Variants in SDK1 observed in about 807,000 individuals in gnomAD.
The protein encoded by SDK1 is sidekick cell adhesion molecule 1.
Under a neutral mutation model 245.5 loss-of-function variants are expected in SDK1, and 157 were observed. The ratio of observed to expected loss-of-function variants is 0.64; its 90% CI spans 0.56 to 0.73. SDK1 has a LOEUF of 0.73. Ranked by LOEUF, SDK1 falls within the 30% of genes least tolerant of loss-of-function variation. The pLI is 0.00. For synonymous variants in SDK1, 1,647 were observed against 1,278.5 expected (o/e 1.29, Z -6.15); for missense variants, 3,583 against 3,002.3 (o/e 1.19, Z -4.52).
chr7:3,645,809 A>C (rs373775424), intron 4 of SDK1, among the ~76,000 whole-genome samples: 1 of 152,288 alleles, frequency 6.6e-6, no homozygotes, highest in Non-Finnish European at 1.5e-5. Context: ...ATTTGACTCA[A>C]GGTGCTTCCC....
At chr7:3,577,029 C>G (rs1288978127) in intron 1 of SDK1, among the ~76,000 whole-genome samples, 5 of 151,968 alleles carry the variant, frequency 3.3e-5, no homozygotes, top group African/African-American at 1.2e-4. Flanking sequence ...GTGGCCACCC[C>G]CTGACATGAC....
At chr7:3,429,667 G>A (rs1583844329) in intron 1 of SDK1, among the ~76,000 whole-genome samples, 2 of 150,272 alleles carry the variant, frequency 1.3e-5, no homozygotes, top group African/African-American at 4.9e-5. Flanking sequence ...CACAATCTCA[G>A]TTTACTGCAG....
chr7:4,201,062 A>C (rs1039863198), intron 35 of SDK1, among the ~76,000 whole-genome samples: 4 of 152,166 alleles, frequency 2.6e-5, no homozygotes. Context: ...TGCACTGGGC[A>C]CCATGTCCTT....
At chr7:3,438,145 T>C (rs1004323642) in intron 1 of SDK1, among the ~76,000 whole-genome samples, 9 of 152,218 alleles carry the variant, frequency 5.9e-5, no homozygotes, top group Admixed American at 3.3e-4. Flanking sequence ...GTGCTTTTAA[T>C]GTTCTGCATT....
intron 4 of SDK1, among the ~76,000 whole-genome samples, chr7:3,648,282 A>G (rs545925200): frequency 6.6e-6 from 1 of 152,330 alleles, no homozygotes; most frequent in South Asian, 2.1e-4. Context: ...TAGAACACAA[A>G]ATCTTAACTC....
At chr7:3,612,627 A>G (rs532116809) in intron 1 of SDK1, among the ~76,000 whole-genome samples, 26 of 152,296 alleles carry the variant, frequency 1.7e-4, no homozygotes, top group African/African-American at 6.0e-4. Context: ...CTCATGGTAA[A>G]TTCATAAGCT....
chr7:4,145,895 G>C lies in SDK1; in HGVS notation c.4402G>C (p.Val1468Leu). ...CTGGGGGGAGCCACTGGAGGCCACC[G>C]TCATCACCACCGAGAAGAGAGGTAA... is the stretch of plus-strand genomic sequence containing the variant. ...QGWGEPLEAT[V>L]ITTEKRERPA... Residue 1468 changes from valine to leucine, a missense_variant, in exon 29 of 45, where the codon GTC (valine) becomes CTC (leucine). Physicochemically the swap from Val to Leu is conservative, Grantham distance 32. Coordinates refer to ENST00000404826, the MANE Select transcript of SDK1 (RefSeq NM_152744.4). The C allele has an allele frequency of 6.2e-7, 1 of 1,601,390 alleles. No homozygotes were observed. The highest frequency in any genetic ancestry group is 8.5e-7 in the Non-Finnish European group (1 of 1,174,280).
At chr7:3,769,936 CTGTGTG>C (rs34066132) in intron 4 of SDK1, among the ~76,000 whole-genome samples, 2,638 of 144,726 alleles carry the variant, frequency 0.018, 90 homozygotes, top group African/African-American at 0.063. Flanking sequence ...TACTTATTGT[CTGTGTG>C]TGTGTGTGTG....
chr7:3,740,937 A>G (rs1465524556), intron 4 of SDK1, among the ~76,000 whole-genome samples: 1 of 152,210 alleles, frequency 6.6e-6, no homozygotes, highest in Non-Finnish European at 1.5e-5. Context: ...GCAACCATAG[A>G]AACATTCTGT....
intron 1 of SDK1, among the ~76,000 whole-genome samples, chr7:3,590,838 A>G (rs970439179): frequency 3.5e-5 from 5 of 143,782 alleles, no homozygotes; most frequent in African/African-American, 1.1e-4. Context: ...GCTGGAGTGC[A>G]GTGGCATGAT....
intron 1 of SDK1, among the ~76,000 whole-genome samples, chr7:3,400,877 C>T (rs1015025086): frequency 5.9e-5 from 9 of 152,126 alleles, no homozygotes; most frequent in South Asian, 2.1e-4. Flanking sequence ...GCCATTCTTA[C>T]GGCCAGAGGA....
intron 22 of SDK1, among the ~76,000 whole-genome samples, chr7:4,105,225 C>T (rs1201455339): frequency 1.3e-5 from 2 of 151,984 alleles, no homozygotes; most frequent in Non-Finnish European, 2.9e-5. Flanking sequence ...TCCGGTGATC[C>T]ACTTGCCTTG....
chr7:3,637,080 T>TGCGC (rs368242742), intron 2 of SDK1, among the ~76,000 whole-genome samples: 6 of 149,792 alleles, frequency 4.0e-5, no homozygotes, highest in South Asian at 2.1e-4. Flanking sequence ...AGAGAGTGCG[T>TGCGC]GCGCGCGTGT....
In SDK1 at chr7:4,145,756, C is replaced by T. The variant is rs756963631; in HGVS notation, c.4263C>T (p.Ser1421=). The part of the protein sequence containing the change: ...YQIAYRLASS[S]PHTFTTVEVG... The stretch of plus-strand genomic sequence containing the variant: ...TTGCCTACCGCCTGGCCAGCAGCAG[C>T]CCCCACACCTTCACCACCGTGGAGG... The change falls in exon 29 of 45, where the codon AGC becomes AGT. Residue 1421 remains serine, a synonymous_variant. Coordinates refer to ENST00000404826, the MANE Select transcript of SDK1 (RefSeq NM_152744.4). The T allele has an allele frequency of 2.5e-6, 4 of 1,611,638 alleles. No individual in the cohort carries two copies. The highest frequency in any genetic ancestry group is 3.4e-5 in the Admixed American group (2 of 59,592).
At chr7:3,443,429 A>G (rs1309199245) in intron 1 of SDK1, among the ~76,000 whole-genome samples, 3 of 152,228 alleles carry the variant, frequency 2.0e-5, no homozygotes, top group South Asian at 4.1e-4. Flanking sequence ...ATTAACCAAA[A>G]TAGTTGACAG....
At chr7:4,210,227 C>A (rs1784444359) in intron 38 of SDK1, 65 bp downstream of exon 38, 1 of 1,368,102 alleles carries the variant, frequency 7.3e-7, no homozygotes, top group Non-Finnish European at 9.5e-7. Context: ...CTGCAGTCTA[C>A]ACAGTGAGCC....
At chr7:3,464,346 A>G (rs972006749) in intron 1 of SDK1, among the ~76,000 whole-genome samples, 49 of 152,136 alleles carry the variant, frequency 3.2e-4, no homozygotes, top group African/African-American at 1.2e-3. Context: ...TAACATAGCA[A>G]GACCCCATCT....
At chr7:4,019,691 A>C (rs1786713811) in intron 17 of SDK1, among the ~76,000 whole-genome samples, 1 of 151,758 alleles carries the variant, frequency 6.6e-6, no homozygotes. Flanking sequence ...CGGCTTCTGT[A>C]GCAGCACCAT....
intron 4 of SDK1, among the ~76,000 whole-genome samples, chr7:3,813,548 T>G (rs558579964): frequency 0.015 from 2,229 of 150,238 alleles, 56 homozygotes; most frequent in African/African-American, 0.052. Flanking sequence ...TCTTTGCTAT[T>G]GTGAATAATG....
Sources: gnomAD v4.1 joint callset for allele counts (sites outside exome capture counted in the v4.1 genomes callset) on GRCh38, gnomAD v4.1.1 for gene constraint, MANE v1.5 for transcripts, NCBI Gene and HGNC (gene_info 2026-07-23, HGNC 2026-07-21) for gene names.